PDE1A: variants seen among roughly 807,000 people sequenced by gnomAD.
The protein encoded by PDE1A is dual specificity calcium/calmodulin-dependent 3',5'-cyclic nucleotide phosphodiesterase 1A.
A neutral mutation model predicts 61.7 loss-of-function variants in PDE1A; 35 were observed. That is an observed-to-expected ratio of 0.57 (90% confidence interval 0.43 to 0.75). The LOEUF is 0.75. Ranked by LOEUF, PDE1A falls within the 30% of genes least tolerant of loss-of-function variation. The probability of loss-of-function intolerance (pLI) is 0.00; values close to 1 mark genes in which losing one functional copy is unlikely to be tolerated. For synonymous variants in PDE1A, 232 were observed against 213.2 expected (o/e 1.09, Z -0.77); for missense variants, 597 against 630.6 (o/e 0.95, Z 0.57).
chr2:182,401,289 C>G (rs1468416479), intron 1 of PDE1A, among the ~76,000 whole-genome samples: 1 of 152,126 alleles, frequency 6.6e-6, no homozygotes, highest in Admixed American at 6.5e-5. Flanking sequence ...TACTGGCAAA[C>G]CGAATCCAGC....
chr2:182,685,849 T>C, the PDE1A span, among the ~76,000 whole-genome samples: 2 of 152,176 alleles, frequency 1.3e-5, no homozygotes, highest in Non-Finnish European at 2.9e-5. Context: ...CTAACAAAAG[T>C]CTCCTCTGCT....
the PDE1A span, among the ~76,000 whole-genome samples, chr2:182,689,428 A>G: frequency 1.3e-5 from 2 of 152,236 alleles, no homozygotes; most frequent in Non-Finnish European, 2.9e-5. Context: ...CTGAATGACT[A>G]CTGGGTACAT....
chr2:182,536,554 T>C, the PDE1A span, among the ~76,000 whole-genome samples: 1 of 152,198 alleles, frequency 6.6e-6, no homozygotes, highest in Non-Finnish European at 1.5e-5. Flanking sequence ...AGGGCTTATA[T>C]TCTAGTGATG....
chr2:182,419,965 C>T (rs760900279), intron 1 of PDE1A, among the ~76,000 whole-genome samples: 25 of 151,624 alleles, frequency 1.6e-4, no homozygotes, highest in Non-Finnish European at 3.2e-4. Flanking sequence ...CTTATAGTTT[C>T]GTAGGGGAGC....
At chr2:182,488,007 T>G (rs985538407) in intron 2 of PDE1A, among the ~76,000 whole-genome samples, 1 of 152,224 alleles carries the variant, frequency 6.6e-6, no homozygotes, top group Non-Finnish European at 1.5e-5. Flanking sequence ...TAGTTTTCTT[T>G]TATAATAAGT....
intron 1 of PDE1A, among the ~76,000 whole-genome samples, chr2:182,273,407 C>G (rs1693175365): frequency 1.3e-5 from 2 of 151,576 alleles, no homozygotes; most frequent in Non-Finnish European, 2.9e-5. Flanking sequence ...TGTTGAGATA[C>G]AGTTCTAGGC....
the PDE1A span, among the ~76,000 whole-genome samples, chr2:182,697,340 C>T: frequency 2.6e-5 from 4 of 152,202 alleles, no homozygotes; most frequent in African/African-American, 9.6e-5. Flanking sequence ...ATATCTAAAT[C>T]TCAGCTTCTT....
intron 10 of PDE1A, among the ~76,000 whole-genome samples, chr2:182,197,991 G>GT (rs1489954748): frequency 6.6e-6 from 1 of 151,842 alleles, no homozygotes; most frequent in African/African-American, 2.4e-5. Flanking sequence ...TTAAAAATTT[G>GT]TAAGAATTGA....
intron 11 of PDE1A, among the ~76,000 whole-genome samples, chr2:182,187,495 G>T (rs1298996193): frequency 6.6e-6 from 1 of 152,246 alleles, no homozygotes; most frequent in Admixed American, 6.5e-5. Context: ...GAATATAGGA[G>T]AATAGCTGGA....
chr2:182,183,986 AAAG>A (rs966034235), intron 13 of PDE1A, among the ~76,000 whole-genome samples: 161 of 149,208 alleles, frequency 1.1e-3, no homozygotes, highest in African/African-American at 3.3e-3. Flanking sequence ...GGAAGGAACA[AAAG>A]AAGGAAGGAA....
the PDE1A span, among the ~76,000 whole-genome samples, chr2:182,640,224 GA>G: frequency 6.6e-6 from 1 of 152,178 alleles, no homozygotes; most frequent in Non-Finnish European, 1.5e-5. Context: ...CCTTCTTGAG[GA>G]AAATATTAAA....
intron 2 of PDE1A, among the ~76,000 whole-genome samples, chr2:182,449,049 T>TAC (rs200893342): frequency 0.14 from 12,585 of 90,558 alleles, 1,418 homozygotes; most frequent in African/African-American, 0.33. Flanking sequence ...ATCATACACA[T>TAC]ACACACACAC....
intron 1 of PDE1A, among the ~76,000 whole-genome samples, chr2:182,327,046 C>A (rs1315252290): frequency 6.6e-6 from 1 of 152,188 alleles, no homozygotes; most frequent in East Asian, 1.9e-4. Flanking sequence ...ATTCATTCAA[C>A]AAATAATTAT....
At chr2:182,669,566 C>T in the PDE1A span, among the ~76,000 whole-genome samples, 1 of 152,134 alleles carries the variant, frequency 6.6e-6, no homozygotes, top group Non-Finnish European at 1.5e-5. Flanking sequence ...CTATTTTTCC[C>T]TATTAAGCAT....
the PDE1A span, among the ~76,000 whole-genome samples, chr2:182,578,956 C>T: frequency 2.0e-5 from 3 of 152,288 alleles, no homozygotes; most frequent in African/African-American, 7.2e-5. Context: ...TCAACAAATA[C>T]AATTTGTAAA....
intron 2 of PDE1A, among the ~76,000 whole-genome samples, chr2:182,457,046 C>T (rs948201306): frequency 4.6e-5 from 7 of 151,998 alleles, no homozygotes; most frequent in Admixed American, 3.3e-4. Context: ...CCTTTGAGAA[C>T]ACTGAAAACC....
chr2:182,154,972 T>C (rs1232776109), intron 13 of PDE1A, among the ~76,000 whole-genome samples: 1 of 152,048 alleles, frequency 6.6e-6, no homozygotes, highest in Admixed American at 6.6e-5. Context: ...GGCATTCATA[T>C]TATGTAATTT....
At chr2:182,401,640 A>G (rs1702003747) in intron 1 of PDE1A, among the ~76,000 whole-genome samples, 3 of 152,208 alleles carry the variant, frequency 2.0e-5, no homozygotes, top group Admixed American at 2.0e-4. Context: ...CTTTCTCACC[A>G]CTCCTGTTCA....
the PDE1A span, among the ~76,000 whole-genome samples, chr2:182,700,051 T>A: frequency 6.6e-6 from 1 of 152,244 alleles, no homozygotes; most frequent in Non-Finnish European, 1.5e-5. Flanking sequence ...CTTTTCTTTC[T>A]CTATGAAAAT....
Sources: gnomAD v4.1 joint callset for allele counts (sites outside exome capture counted in the v4.1 genomes callset) on GRCh38, gnomAD v4.1.1 for gene constraint, MANE v1.5 for transcripts, NCBI Gene and HGNC (gene_info 2026-07-23, HGNC 2026-07-21) for gene names.